Variants in ZNF563 observed in about 807,000 individuals in gnomAD.
The protein encoded by ZNF563 is zinc finger protein 563.
Under a neutral mutation model 48.5 loss-of-function variants are expected in ZNF563, and 39 were observed. The ratio of observed to expected loss-of-function variants is 0.80; its 90% CI spans 0.62 to 1.05. The LOEUF (loss-of-function observed/expected upper bound fraction) is 1.05, where lower values mean the gene tolerates loss of function less well. ZNF563 is among the 50% of genes least tolerant of loss of function. ZNF563 has a pLI of 0.00. For synonymous variants in ZNF563, 168 were observed against 187.9 expected (o/e 0.89, Z 0.87); for missense variants, 538 against 597.0 (o/e 0.90, Z 1.03).
intron 1 of ZNF563, among the ~76,000 whole-genome samples, chr19:12,331,188 A>G (rs1014007269): frequency 6.6e-6 from 1 of 152,236 alleles, no homozygotes; most frequent in Non-Finnish European, 1.5e-5. Context: ...TTTACAGCTA[A>G]GAAAAAACTG....
chr19:12,331,013 A>G (rs183754222), intron 1 of ZNF563, among the ~76,000 whole-genome samples: 1 of 152,350 alleles, frequency 6.6e-6, no homozygotes, highest in East Asian at 1.9e-4. Context: ...ACAGACCTGG[A>G]AAACTTACTA....
chr19:12,338,365 A>T (rs1969040006), upstream of ZNF563, among the ~76,000 whole-genome samples: 1 of 151,156 alleles, frequency 6.6e-6, no homozygotes. Flanking sequence ...CTTGTGCCTC[A>T]GCCTCCTGAG....
chr19:12,331,260 T>C (rs1460334104), intron 1 of ZNF563, among the ~76,000 whole-genome samples: 6 of 152,304 alleles, frequency 3.9e-5, no homozygotes, highest in African/African-American at 1.4e-4. Context: ...CAGTGCTGAC[T>C]GGAACACAGA....
At chr19:12,343,620 T>A in the ZNF563 span, among the ~76,000 whole-genome samples, 362 of 152,110 alleles carry the variant, frequency 2.4e-3, no homozygotes, top group African/African-American at 8.0e-3. Context: ...AAGTTCTAAT[T>A]CATTTTGTGA....
intron 3 of ZNF563, 133 bp downstream of exon 3, chr19:12,321,138 TA>T (rs200431524): frequency 6.4e-3 from 3,425 of 538,518 alleles, no homozygotes; most frequent in East Asian, 0.012. Context: ...AGGCCCTGAC[TA>T]AAAAAAAAAG....
At chr19:12,336,837 C>G (rs754587436), upstream of ZNF563, among the ~76,000 whole-genome samples, 2 of 152,134 alleles carry the variant, frequency 1.3e-5, no homozygotes, top group Non-Finnish European at 2.9e-5. Flanking sequence ...TCAACCCCAG[C>G]CCACACCATT....
chr19:12,330,229 T>C (rs960532867), intron 1 of ZNF563, among the ~76,000 whole-genome samples: 4 of 152,114 alleles, frequency 2.6e-5, no homozygotes, highest in African/African-American at 9.7e-5. Context: ...GCAGAGGTAA[T>C]ACTTTCTAAT....
In ZNF563 at chr19:12,318,962, G is replaced by A; in HGVS notation, c.1063C>T (p.His355Tyr). The A allele has an allele frequency of 6.2e-7, 1 of 1,614,206 alleles. No homozygotes were observed. The highest frequency in any genetic ancestry group is 1.1e-5 in the South Asian group (1 of 91,086). ...GFDRPSLVRY[H>Y]ERIHTGEKPY... The stretch of plus-strand genomic sequence containing the variant: ...TTCTCTCCAGTGTGAATTCGTTCAT[G>A]ATATCGAACTAAACTGGGACGATCA... Residue 355 changes from histidine (H) to tyrosine (Y), a missense_variant, in exon 4 of 4, where the codon CAT becomes TAT. His to Tyr is a moderately conservative substitution (Grantham distance 83). Coordinates refer to ENST00000293725, the MANE Select transcript of ZNF563 (RefSeq NM_145276.3).
chr19:12,322,807 A>C (rs1968669511), intron 1 of ZNF563, 96 bp from the exon 2 acceptor site: 2 of 1,302,796 alleles, frequency 1.5e-6, no homozygotes, highest in Non-Finnish European at 2.1e-6. Context: ...TGTGCTTTCC[A>C]AGCATTTATT....
chr19:12,325,419 G>A (rs1032544304), intron 1 of ZNF563, among the ~76,000 whole-genome samples: 11 of 146,916 alleles, frequency 7.5e-5, no homozygotes, highest in Admixed American at 4.2e-4. Flanking sequence ...GTGGTGAGTC[G>A]AGATTGTGCC....
the ZNF563 span, among the ~76,000 whole-genome samples, chr19:12,338,744 C>A: frequency 6.6e-6 from 1 of 152,044 alleles, no homozygotes; most frequent in East Asian, 1.9e-4. Context: ...CCCAGCTATT[C>A]GGGAGGCTGA....
the ZNF563 span, among the ~76,000 whole-genome samples, chr19:12,344,017 C>T: frequency 6.6e-6 from 1 of 152,036 alleles, no homozygotes; most frequent in Non-Finnish European, 1.5e-5. Context: ...GCTTGAGCCA[C>T]TGCGCCCAGC....
chr19:12,332,301 A>G (rs1968938663), intron 1 of ZNF563, among the ~76,000 whole-genome samples: 1 of 151,456 alleles, frequency 6.6e-6, no homozygotes, highest in African/African-American at 2.4e-5. Flanking sequence ...TAAACAAAAG[A>G]GAATGCAGGT....
At chr19:12,333,959 C>G (rs886117669), upstream of ZNF563, among the ~76,000 whole-genome samples, 1 of 152,198 alleles carries the variant, frequency 6.6e-6, no homozygotes, top group African/African-American at 2.4e-5. Flanking sequence ...CCTTTTCCTC[C>G]TGGAGAAGGA....
the ZNF563 span, among the ~76,000 whole-genome samples, chr19:12,343,419 C>T: frequency 2.6e-5 from 4 of 152,174 alleles, no homozygotes; most frequent in East Asian, 7.7e-4. Flanking sequence ...CATAATCAGG[C>T]CTGTGAATAG....
upstream of ZNF563, among the ~76,000 whole-genome samples, chr19:12,336,040 A>G (rs916062438): frequency 1.3e-5 from 2 of 152,220 alleles, no homozygotes; most frequent in Non-Finnish European, 2.9e-5. Context: ...AGCACTGATG[A>G]GTTAATTGAA....
In ZNF563 at chr19:12,322,591, A is replaced by G; in HGVS notation, c.124T>C (p.Cys42Arg). 3 of 1,599,192 alleles carry G rather than the reference A, an allele frequency of 1.9e-6. No homozygotes were observed. Among genetic ancestry groups the G allele is most frequent in the Non-Finnish European group, 2.6e-6 (3 of 1,172,228 alleles). The part of the protein sequence containing the change: ...VMQETIRNLD[C>R]IRMIWEEQNT... ...GACATGGTATCATCCTTACTTATAC[A>G]GTCCAGGTTCCTGATGGTTTCTTGC... The change falls in exon 2 of 4, where the codon TGT becomes CGT. Residue 42 changes from cysteine (C) to arginine (R), a missense_variant. Coordinates refer to ENST00000293725, the MANE Select transcript of ZNF563 (RefSeq NM_145276.3).
Position 12,319,852 on chromosome 19 carries a change from A to G in ZNF563, c.192-19T>C, listed in dbSNP as rs776846439. 30 of 1,594,964 alleles carry G rather than the reference A, an allele frequency of 1.9e-5. No homozygotes were observed. In the Admixed American group the frequency reaches 5.0e-4, roughly 27 times the overall value. On this transcript the variant is annotated intron_variant, in intron 3 of 3. Coordinates refer to ENST00000293725, the MANE Select transcript of ZNF563 (RefSeq NM_145276.3). ...ATGACATCTGTAAAAAATGAGTAGT[A>G]CGTTACTAAATAGTTGTTTCTAAAT...
chr19:12,327,537 G>A (rs1179698968), intron 1 of ZNF563, among the ~76,000 whole-genome samples: 2 of 150,744 alleles, frequency 1.3e-5, no homozygotes, highest in Non-Finnish European at 2.9e-5. Context: ...ATAGAAAACA[G>A]TAATATACAT....
Sources: allele counts gnomAD v4.1 joint callset (sites outside exome capture counted in the v4.1 genomes callset), GRCh38; gene constraint gnomAD v4.1.1; transcripts MANE v1.5; gene names NCBI Gene and HGNC (gene_info 2026-07-23, HGNC 2026-07-21).